Variants in ELP4 observed in about 807,000 individuals in gnomAD.
ELP4 encodes the protein elongator acetyltransferase complex subunit 4, also known as elongator complex protein 4.
ELP4 carries 51 observed loss-of-function variants against 48.9 expected under a neutral mutation model. The ratio of observed to expected loss-of-function variants is 1.04; its 90% CI spans 0.83 to 1.32. The LOEUF (loss-of-function observed/expected upper bound fraction) is 1.32. ELP4 is among the 40% of genes most tolerant of loss of function. The pLI is 0.00. For missense variants in ELP4, 519 were observed against 514.6 expected (o/e 1.01, Z -0.08); for synonymous variants, 210 against 189.2 (o/e 1.11, Z -0.90).
In ELP4 at chr11:31,582,903, G is replaced by T. The variant is rs374150843; in HGVS notation, c.382-11867G>T. Reference sequence around the variant, plus strand: ...GGCAACTGTGGTGGGGGCGGGGTGGGGGACAGTGGAAGGGAAGAGGAAGTC... The same window carrying T: ...GGCAACTGTGGTGGGGGCGGGGTGGTGGACAGTGGAAGGGAAGAGGAAGTC... On this transcript the variant is annotated intron_variant, in intron 3 of 9. Coordinates refer to ENST00000640961, the MANE Select transcript of ELP4 (RefSeq NM_019040.5). 2.6e-5 allele frequency among the ~76,000 whole-genome samples: 4 copies of T among 152,138 alleles called. No homozygotes were observed. The East Asian group carries it at 7.7e-4, about 29-fold the overall frequency.
rs573950199 is a variant in ELP4, at chr11:31,783,567, T to C, written c.*43T>C. 8.6e-5 allele frequency: 136 copies of C among 1,572,320 alleles called. No homozygotes were observed. The East Asian group carries it at 3.0e-3, about 35-fold the overall frequency. ...CTGCATGCAGAATTCTATGACACTC[T>C]AATTATGATTGCTAATAGCTTATGT... On this transcript the variant is annotated 3_prime_UTR_variant, in exon 10 of 10. Transcript: ENST00000640961.
chr11:31,631,127 T>C (rs931295205), intron 6 of ELP4, among the ~76,000 whole-genome samples: 14 of 152,168 alleles, frequency 9.2e-5, no homozygotes, highest in African/African-American at 2.7e-4. Context: ...TTTTTCTTCC[T>C]TTCCATGGTC....
At chr11:31,664,023 T>A (rs1017005841) in intron 9 of ELP4, 1 of 152,088 alleles carries the variant, frequency 6.6e-6, no homozygotes, top group Non-Finnish European at 1.5e-5. Flanking sequence ...TTGCATGAAA[T>A]CACACAAAAA....
chr11:31,604,492 A>C lies in ELP4; in HGVS notation c.653+585A>C, dbSNP rs939669178. On this transcript the variant is annotated intron_variant, in intron 5 of 9. Transcript: ENST00000640961. The stretch of plus-strand genomic sequence containing the variant: ...TGCAACATGTTTATACTGCCAGTAC[A>C]TTATTAAGACAAAACTCTGAAAATT... Among the ~76,000 whole-genome samples the C allele has an allele frequency of 2.6e-5, 4 of 152,012 alleles. No homozygotes were observed. In the East Asian group the frequency reaches 7.7e-4, roughly 29 times the overall value.
intron 9 of ELP4, among the ~76,000 whole-genome samples, chr11:31,655,232 G>T (rs1042602006): frequency 6.6e-6 from 1 of 151,930 alleles, no homozygotes; most frequent in Non-Finnish European, 1.5e-5. Context: ...ATCATCAGAA[G>T]TTGGTTTAAT....
chr11:31,763,333 T>C, intron 9 of ELP4: 1 of 1,286,910 alleles, frequency 7.8e-7, no homozygotes, highest in Non-Finnish European at 1.0e-6. Flanking sequence ...AGATGTTAGC[T>C]TTTTCCCCCT....
chr11:31,641,071 T>C (rs1945084540), intron 7 of ELP4, among the ~76,000 whole-genome samples: 1 of 151,984 alleles, frequency 6.6e-6, no homozygotes, highest in South Asian at 2.1e-4. Context: ...ACATTGAAAA[T>C]CAAATATTGA....
At chr11:31,706,496 T>A (rs1946635900) in intron 9 of ELP4, among the ~76,000 whole-genome samples, 1 of 148,590 alleles carries the variant, frequency 6.7e-6, no homozygotes, top group Non-Finnish European at 1.5e-5. Context: ...AAATGTTATA[T>A]TTATTTTTAT....
At chr11:31,515,027 G>GTATATA (rs1465007823) in intron 1 of ELP4, among the ~76,000 whole-genome samples, 29 of 137,250 alleles carry the variant, frequency 2.1e-4, no homozygotes, top group African/African-American at 7.2e-4. Flanking sequence ...GTGTGTGTGT[G>GTATATA]TGTGTGTATA....
intron 6 of ELP4, among the ~76,000 whole-genome samples, chr11:31,629,706 A>G (rs1944817685): frequency 6.6e-6 from 1 of 151,886 alleles, no homozygotes; most frequent in South Asian, 2.1e-4. Context: ...AAATGTTAAC[A>G]GAGAAAACAA....
At chr11:31,666,777 C>A in intron 9 of ELP4, among the ~76,000 whole-genome samples, 1 of 103,454 alleles carries the variant, frequency 9.7e-6, no homozygotes, top group East Asian at 2.9e-4. Flanking sequence ...AGAAAAGTGG[C>A]TACCTAAGAA....
intron 9 of ELP4, among the ~76,000 whole-genome samples, chr11:31,708,827 G>A (rs1946684596): frequency 6.6e-6 from 1 of 152,078 alleles, no homozygotes; most frequent in East Asian, 1.9e-4. Flanking sequence ...ATTACCTGTT[G>A]CCTAAAGTTT....
chr11:31,615,439 A>C (rs1203703349), intron 5 of ELP4, among the ~76,000 whole-genome samples: 2 of 152,072 alleles, frequency 1.3e-5, no homozygotes, highest in African/African-American at 4.8e-5. Flanking sequence ...GTAAAGGGTT[A>C]ATGAATTTTA....
chr11:31,593,618 C>T (rs1957625700), intron 3 of ELP4, among the ~76,000 whole-genome samples: 1 of 152,068 alleles, frequency 6.6e-6, no homozygotes, highest in Non-Finnish European at 1.5e-5. Flanking sequence ...GTAACACAGA[C>T]ACAGCTACTA....
intron 5 of ELP4, among the ~76,000 whole-genome samples, chr11:31,612,199 G>A (rs954996491): frequency 6.6e-6 from 1 of 151,814 alleles, no homozygotes; most frequent in Non-Finnish European, 1.5e-5. Flanking sequence ...AAATGTCAAT[G>A]CAAAAAAAAT....
intron 9 of ELP4, among the ~76,000 whole-genome samples, chr11:31,779,177 G>A (rs1948313849): frequency 6.6e-6 from 1 of 152,162 alleles, no homozygotes; most frequent in South Asian, 2.1e-4. Context: ...TTAGTCATCT[G>A]CTAAGGGTCA....
intron 9 of ELP4, among the ~76,000 whole-genome samples, chr11:31,757,876 C>A (rs906076255): frequency 1.3e-5 from 2 of 152,106 alleles, no homozygotes; most frequent in African/African-American, 2.4e-5. Context: ...GTGCTCAATA[C>A]ATCATTTTAA....
At chr11:31,631,273 A>C (rs1238534696) in intron 6 of ELP4, among the ~76,000 whole-genome samples, 1 of 152,174 alleles carries the variant, frequency 6.6e-6, no homozygotes, top group Non-Finnish European at 1.5e-5. Flanking sequence ...ATAGCAAGTG[A>C]TACATTTTAG....
intron 9 of ELP4, among the ~76,000 whole-genome samples, chr11:31,678,746 A>G (rs930266298): frequency 6.6e-6 from 1 of 152,282 alleles, no homozygotes. Context: ...TTATGTGGAC[A>G]TAAGTTTTCA....
Sources: allele counts gnomAD v4.1 joint callset (sites outside exome capture counted in the v4.1 genomes callset), GRCh38; gene constraint gnomAD v4.1.1; transcripts MANE v1.5; gene names NCBI Gene and HGNC (gene_info 2026-07-23, HGNC 2026-07-21).